ENOX2: variants seen among roughly 807,000 people sequenced by gnomAD.
The protein encoded by ENOX2 is APK1 antigen.
In ENOX2, 36 loss-of-function variants were observed where a neutral mutation model predicts 45.0. The ratio of observed to expected loss-of-function variants is 0.80; its 90% CI spans 0.61 to 1.06. ENOX2 has a LOEUF of 1.06. Among genes scored for constraint, ENOX2 ranks in the 50% least tolerant of loss-of-function variants. ENOX2 has a pLI of 0.00. For missense variants in ENOX2, 423 were observed against 462.5 expected (o/e 0.91, Z 0.78); for synonymous variants, 174 against 152.3 (o/e 1.14, Z -1.05).
intron 3 of ENOX2, among the ~76,000 whole-genome samples, chrX:130,712,489 G>T (rs1234269633): frequency 9.0e-6 from 1 of 111,599 alleles, no homozygotes; most frequent in Non-Finnish European, 1.9e-5. Flanking sequence ...AGACAAAATG[G>T]CACAGTTGAA....
intron 2 of ENOX2, among the ~76,000 whole-genome samples, chrX:130,853,492 A>C (rs777926122): frequency 1.9e-4 from 20 of 107,926 alleles, no homozygotes; most frequent in South Asian, 8.3e-4. Flanking sequence ...AAAAAGAAAG[A>C]AAGCCAGCTT....
intron 3 of ENOX2, among the ~76,000 whole-genome samples, chrX:130,723,762 G>A (rs951587966): frequency 2.7e-5 from 3 of 111,673 alleles, no homozygotes; most frequent in Non-Finnish European, 3.8e-5. Context: ...CACTCCGGAT[G>A]TTCTCTTGTA....
At chrX:130,753,768 G>A (rs894917011) in intron 3 of ENOX2, among the ~76,000 whole-genome samples, 1 of 111,335 alleles carries the variant, frequency 9.0e-6, no homozygotes, top group Non-Finnish European at 1.9e-5. Context: ...ATTGATACAC[G>A]GTTAGTTTGG....
chrX:130,682,015 ACC>A (rs60504049), intron 5 of ENOX2, among the ~76,000 whole-genome samples: 1,180 of 86,159 alleles, frequency 0.014, 16 homozygotes, highest in African/African-American at 0.046. Flanking sequence ...ATGGAACACA[ACC>A]CCCCCCCCCA....
At chrX:130,625,787 G>C (rs928363191) in intron 14 of ENOX2, among the ~76,000 whole-genome samples, 1 of 111,203 alleles carries the variant, frequency 9.0e-6, no homozygotes, top group South Asian at 3.8e-4. Context: ...TTTGGGAGGG[G>C]AGGAAGGTAG....
intron 6 of ENOX2, among the ~76,000 whole-genome samples, chrX:130,673,836 C>T (rs1474746384): frequency 1.8e-5 from 2 of 111,841 alleles, no homozygotes; most frequent in Non-Finnish European, 3.8e-5. Context: ...TCAGAGAACA[C>T]CTGGAAGATA....
chrX:130,626,090 G>A (rs1353427535), intron 14 of ENOX2, among the ~76,000 whole-genome samples: 4 of 111,672 alleles, frequency 3.6e-5, no homozygotes, highest in Non-Finnish European at 7.5e-5. Flanking sequence ...AGCACCAGGG[G>A]ATCCTGAAAG....
intron 2 of ENOX2, among the ~76,000 whole-genome samples, chrX:130,802,396 C>T (rs775780502): frequency 9.8e-5 from 11 of 111,819 alleles, no homozygotes; most frequent in Admixed American, 5.7e-4. Context: ...ATGAAGCAGC[C>T]GCGAAAGAAG....
intron 4 of ENOX2, among the ~76,000 whole-genome samples, chrX:130,701,867 GA>G (rs1414880192): frequency 8.9e-6 from 1 of 112,185 alleles, no homozygotes; most frequent in Non-Finnish European, 1.9e-5. Flanking sequence ...TGTTCTAATG[GA>G]GAAGAATACA....
At chrX:130,744,564 T>C (rs889681977) in intron 3 of ENOX2, among the ~76,000 whole-genome samples, 1 of 112,501 alleles carries the variant, frequency 8.9e-6, no homozygotes, top group Non-Finnish European at 1.9e-5. Context: ...AAATAGCATA[T>C]GCTGCATTTA....
At chrX:130,869,949 T>C (rs1341322680) in intron 2 of ENOX2, among the ~76,000 whole-genome samples, 2 of 112,045 alleles carry the variant, frequency 1.8e-5, no homozygotes, top group Non-Finnish European at 3.8e-5. Context: ...CTGTAAGCAA[T>C]ATGCTGTATC....
Position 130,740,460 on chromosome X carries a change from T to C in ENOX2, c.-38-37206A>G, listed in dbSNP as rs2038957778. 4.5e-5 allele frequency among the ~76,000 whole-genome samples: 5 copies of C among 110,858 alleles called. No individual in the cohort carries two copies. The South Asian group carries it at 1.9e-3, about 42-fold the overall frequency. ...GTGTATAATGAAGGGTTAAATATGG[T>C]AGTCACAACAATAAGTGCTATGGTG... On this transcript the variant is annotated intron_variant, in intron 3 of 14. Coordinates refer to ENST00000394363, the MANE Select transcript of ENOX2 (RefSeq NM_006375.4).
chrX:130,874,249 T>C (rs1331656462), intron 2 of ENOX2, among the ~76,000 whole-genome samples: 1 of 112,260 alleles, frequency 8.9e-6, no homozygotes, highest in Non-Finnish European at 1.9e-5. Context: ...AAATACTTTG[T>C]TCCATCTGTA....
chrX:130,767,256 C>G (rs2039638256), intron 3 of ENOX2, among the ~76,000 whole-genome samples: 1 of 111,597 alleles, frequency 9.0e-6, no homozygotes, highest in Non-Finnish European at 1.9e-5. Flanking sequence ...ATCTGCCCCA[C>G]TCACTAGAAT....
intron 2 of ENOX2, among the ~76,000 whole-genome samples, chrX:130,847,774 A>G (rs1173761007): frequency 8.9e-6 from 1 of 112,461 alleles, no homozygotes; most frequent in Non-Finnish European, 1.9e-5. Context: ...ACATTATATA[A>G]TGTTCAATGA....
At chrX:130,807,397 CTT>C (rs2077321088) in intron 2 of ENOX2, among the ~76,000 whole-genome samples, 1 of 111,864 alleles carries the variant, frequency 8.9e-6, no homozygotes, top group African/African-American at 3.2e-5. Flanking sequence ...AACAATGCCT[CTT>C]GTTATGCCTT....
At chrX:130,865,660 A>G (rs1352431621) in intron 2 of ENOX2, among the ~76,000 whole-genome samples, 2 of 112,175 alleles carry the variant, frequency 1.8e-5, no homozygotes, top group Non-Finnish European at 3.8e-5. Context: ...TACAGAGATC[A>G]TTTAAGAGAG....
chrX:130,629,624 C>G (rs754914706), intron 13 of ENOX2, among the ~76,000 whole-genome samples: 2 of 112,248 alleles, frequency 1.8e-5, no homozygotes, highest in South Asian at 7.4e-4. Flanking sequence ...GCAGGTCCCC[C>G]TGTGCATCTT....
chrX:130,811,913 T>C (rs1165597428), intron 2 of ENOX2, among the ~76,000 whole-genome samples: 1 of 110,518 alleles, frequency 9.0e-6, no homozygotes, highest in African/African-American at 3.3e-5. Flanking sequence ...AGCTGAAAAA[T>C]ACAATGAATT....
Sources: gnomAD v4.1 joint callset for allele counts (sites outside exome capture counted in the v4.1 genomes callset) on GRCh38, gnomAD v4.1.1 for gene constraint, MANE v1.5 for transcripts, NCBI Gene and HGNC (gene_info 2026-07-23, HGNC 2026-07-21) for gene names.